Variants in ANKRD30BL observed in about 807,000 individuals in gnomAD.
The protein encoded by ANKRD30BL is putative ankyrin repeat domain-containing protein 30B-like.
In ANKRD30BL, 20 loss-of-function variants were observed where a neutral mutation model predicts 18.4. The observed-to-expected ratio is 1.09, with a 90% CI of 0.77 to 1.58. The LOEUF is 1.58. ANKRD30BL is among the 40% of genes most tolerant of loss of function. The pLI is 0.00. For synonymous variants in ANKRD30BL, 72 were observed against 100.9 expected, an observed-to-expected ratio of 0.71 and a Z score of 1.72; for missense variants, 224 against 268.6, an observed-to-expected ratio of 0.83 and a Z score of 1.16.
intron 1 of ANKRD30BL, among the ~76,000 whole-genome samples, chr2:132,222,787 A>T (rs558357145): frequency 8.0e-6 from 1 of 124,650 alleles, no homozygotes; most frequent in African/African-American, 2.8e-5. Context: ...TTGTCCTATG[A>T]CCCTGCCAAA....
At chr2:132,253,900 T>TTGGCAGAGGTGACGATGG (rs1680741331) in intron 1 of ANKRD30BL, among the ~76,000 whole-genome samples, 1 of 151,718 alleles carries the variant, frequency 6.6e-6, no homozygotes, top group Admixed American at 6.6e-5. Flanking sequence ...GTGGCATGGT[T>TTGGCAGAGGTGACGATGG]TGGCAGAGGT....
At chr2:132,160,537 C>G (rs1195354733) in intron 1 of ANKRD30BL, among the ~76,000 whole-genome samples, 2 of 151,252 alleles carry the variant, frequency 1.3e-5, no homozygotes, top group Non-Finnish European at 2.9e-5. Context: ...CTTCCAGGTT[C>G]ACACCATTCT....
At chr2:132,219,947 C>T (rs111651717) in intron 1 of ANKRD30BL, among the ~76,000 whole-genome samples, 4 of 151,638 alleles carry the variant, frequency 2.6e-5, no homozygotes, top group Non-Finnish European at 5.9e-5. Flanking sequence ...GCAGAATCTG[C>T]AAGTGGACAT....
At chr2:132,167,079 T>A (rs1168162124) in intron 1 of ANKRD30BL, among the ~76,000 whole-genome samples, 1 of 150,840 alleles carries the variant, frequency 6.6e-6, no homozygotes, top group Non-Finnish European at 1.5e-5. Context: ...ATTTGAAAAA[T>A]TTTTCAATTC....
intron 1 of ANKRD30BL, among the ~76,000 whole-genome samples, chr2:132,198,620 G>C (rs1250814718): frequency 6.7e-6 from 1 of 148,406 alleles, no homozygotes; most frequent in Admixed American, 6.7e-5. Flanking sequence ...ACAGCGCCCA[G>C]CCTTTTTTTT....
chr2:132,158,774 A>AATC (rs1687978501), intron 1 of ANKRD30BL, among the ~76,000 whole-genome samples: 1 of 150,584 alleles, frequency 6.6e-6, no homozygotes, highest in Non-Finnish European at 1.5e-5. Flanking sequence ...ATCTATAATT[A>AATC]TTGACATATA....
intron 1 of ANKRD30BL, among the ~76,000 whole-genome samples, chr2:132,245,304 A>G (rs1181454469): frequency 6.6e-6 from 1 of 152,140 alleles, no homozygotes; most frequent in Non-Finnish European, 1.5e-5. Context: ...CATTCTCAGA[A>G]ACTTCTTTGT....
intron 1 of ANKRD30BL, among the ~76,000 whole-genome samples, chr2:132,251,326 G>A (rs981282965): frequency 6.6e-6 from 1 of 152,110 alleles, no homozygotes; most frequent in African/African-American, 2.4e-5. Flanking sequence ...ATTCATTTTT[G>A]TACGTGTGTA....
chr2:132,215,038 C>A (rs1160844757), intron 1 of ANKRD30BL, among the ~76,000 whole-genome samples: 3 of 152,016 alleles, frequency 2.0e-5, no homozygotes, highest in Non-Finnish European at 4.4e-5. Flanking sequence ...TATAATCATC[C>A]TGAGAAAATT....
At chr2:132,207,028 C>G (rs2104753049) in intron 1 of ANKRD30BL, among the ~76,000 whole-genome samples, 1 of 152,224 alleles carries the variant, frequency 6.6e-6, no homozygotes, top group African/African-American at 2.4e-5. Context: ...ATGGCCCACT[C>G]TAATGCATTA....
At chr2:132,150,316 T>C (rs1573795155) in intron 5 of ANKRD30BL, among the ~76,000 whole-genome samples, 1 of 152,034 alleles carries the variant, frequency 6.6e-6, no homozygotes, top group Admixed American at 6.6e-5. Context: ...ATTTGTTTAT[T>C]TAACAGTTTA....
In ANKRD30BL at chr2:132,238,581, G is replaced by T. The variant is rs375982064; in HGVS notation, n.441+18948C>A. ...TGTAGAATCTGTAAGTGGAAACTTGGTGCTCTTTGAAGCCTATGGTGAAAA... is the reference window on the plus strand; with the variant it reads ...TGTAGAATCTGTAAGTGGAAACTTGTTGCTCTTTGAAGCCTATGGTGAAAA... On this transcript the variant is annotated intron_variant and non_coding_transcript_variant, in intron 1 of 4. Coordinates refer to the ANKRD30BL transcript ENST00000470729. 6.3e-4 allele frequency among the ~76,000 whole-genome samples: 96 copies of T among 151,950 alleles called. No individual in the cohort carries two copies. The East Asian group carries it at 0.016, about 25-fold the overall frequency.
chr2:132,255,325 A>G (rs1449347892), intron 1 of ANKRD30BL, among the ~76,000 whole-genome samples: 1 of 151,898 alleles, frequency 6.6e-6, no homozygotes, highest in Admixed American at 6.6e-5. Flanking sequence ...AACAAAATAG[A>G]ACTGTGGTCC....
exon 1 of ANKRD30BL, chr2:132,257,710 G>T (rs541235639): frequency 1.3e-5 from 2 of 153,734 alleles, no homozygotes; most frequent in Admixed American, 1.3e-4. Context: ...GTCGCCCCTC[G>T]TCGGGCCCGC....
chr2:132,211,449 T>C (rs1006306902), intron 1 of ANKRD30BL, among the ~76,000 whole-genome samples: 8 of 152,124 alleles, frequency 5.3e-5, no homozygotes, highest in Non-Finnish European at 1.0e-4. Flanking sequence ...GATATATGCA[T>C]TCATCTCACA....
At chr2:132,220,280 G>GCCTGTC (rs1558940545) in intron 1 of ANKRD30BL, among the ~76,000 whole-genome samples, 14 of 145,552 alleles carry the variant, frequency 9.6e-5, no homozygotes, top group African/African-American at 3.6e-4. Flanking sequence ...ACTGTTTTTG[G>GCCTGTC]CCTCTCCCTC....
At chr2:132,214,925 T>A (rs557280586) in intron 1 of ANKRD30BL, among the ~76,000 whole-genome samples, 425 of 152,212 alleles carry the variant, frequency 2.8e-3, no homozygotes, top group African/African-American at 9.5e-3. Flanking sequence ...TTTCTTTGTA[T>A]TGAGCAGGTT....
chr2:132,238,112 T>C (rs77733036), intron 1 of ANKRD30BL, among the ~76,000 whole-genome samples: 1 of 151,984 alleles, frequency 6.6e-6, no homozygotes, highest in Admixed American at 6.6e-5. Context: ...TTGAGACCTA[T>C]GTTGAAAAAG....
intron 1 of ANKRD30BL, among the ~76,000 whole-genome samples, chr2:132,225,053 C>T (rs199782305): frequency 4.0e-5 from 6 of 151,722 alleles, no homozygotes; most frequent in African/African-American, 1.5e-4. Flanking sequence ...GAGACTTGAA[C>T]ATTCTTAATA....
Sources: gnomAD v4.1 joint callset for allele counts (sites outside exome capture counted in the v4.1 genomes callset) on GRCh38, gnomAD v4.1.1 for gene constraint, MANE v1.5 for transcripts, NCBI Gene and HGNC (gene_info 2026-07-23, HGNC 2026-07-21) for gene names.